DSCAM: variants seen among roughly 807,000 people sequenced by gnomAD.
DSCAM encodes cell adhesion molecule DSCAM.
Under a neutral mutation model 217.7 loss-of-function variants are expected in DSCAM, and 47 were observed. The ratio of observed to expected loss-of-function variants is 0.22; its 90% CI spans 0.17 to 0.28. DSCAM has a LOEUF of 0.28. Among genes scored for constraint, DSCAM ranks in the 10% least tolerant of loss-of-function variants. The probability of loss-of-function intolerance (pLI) is 1.00; values close to 1 mark genes in which losing one functional copy is unlikely to be tolerated. For missense variants in DSCAM, 2,080 were observed against 2,618.3 expected, an observed-to-expected ratio of 0.79 and a Z score of 4.49; for synonymous variants, 1,056 against 1,015.3, an observed-to-expected ratio of 1.04 and a Z score of -0.76.
chr21:40,204,596 G>A lies in DSCAM; in HGVS notation c.2357-15358C>T, dbSNP rs141857702. Among the ~76,000 whole-genome samples the A allele has an allele frequency of 3.4e-4, 52 of 152,246 alleles. 1 individual carries two copies. In the East Asian group the frequency reaches 9.8e-3, roughly 29 times the overall value. On this transcript the variant is annotated intron_variant, in intron 11 of 32. Transcript: ENST00000400454. ...GGGACAACTGACTTAGAGAGGCTAT[G>A]GAGATACAAAATAACACCAATGGTT...
At chr21:40,730,034 C>T (rs1309195678) in intron 1 of DSCAM, among the ~76,000 whole-genome samples, 1 of 152,172 alleles carries the variant, frequency 6.6e-6, no homozygotes, top group Admixed American at 6.5e-5. Flanking sequence ...GGCAACTAGA[C>T]ATACCATTAA....
intron 3 of DSCAM, among the ~76,000 whole-genome samples, chr21:40,659,832 G>A (rs1037049460): frequency 3.3e-5 from 5 of 152,168 alleles, no homozygotes; most frequent in Admixed American, 6.5e-5. Context: ...TAAAGCCAAC[G>A]ATAGAAACCA....
intron 1 of DSCAM, among the ~76,000 whole-genome samples, chr21:40,809,664 T>C (rs1291759404): frequency 2.0e-5 from 3 of 152,232 alleles, no homozygotes; most frequent in African/African-American, 7.2e-5. Flanking sequence ...GGAGACGTCA[T>C]GCTTCTGTCA....
At chr21:40,191,273 C>T (rs1027266093) in intron 11 of DSCAM, among the ~76,000 whole-genome samples, 2 of 152,178 alleles carry the variant, frequency 1.3e-5, no homozygotes, top group Non-Finnish European at 1.5e-5. Context: ...TCTCTAGAGT[C>T]AGCAGCCATG....
At chr21:40,797,841 T>A (rs1371156103) in intron 1 of DSCAM, among the ~76,000 whole-genome samples, 2 of 152,110 alleles carry the variant, frequency 1.3e-5, no homozygotes, top group South Asian at 4.1e-4. Flanking sequence ...GTTGTAAGGA[T>A]CTGGTGTTTT....
chr21:40,730,307 T>C (rs1402818117), intron 1 of DSCAM, among the ~76,000 whole-genome samples: 1 of 152,204 alleles, frequency 6.6e-6, no homozygotes, highest in Non-Finnish European at 1.5e-5. Flanking sequence ...TGGCTGGCTG[T>C]TGCAAATGAA....
At chr21:40,339,008 A>G in intron 7 of DSCAM, 111 bp downstream of exon 7, 1 of 1,347,440 alleles carries the variant, frequency 7.4e-7, no homozygotes, top group Non-Finnish European at 1.0e-6. Context: ...AATGGGAAGC[A>G]ACAGTTAATC....
intron 3 of DSCAM, among the ~76,000 whole-genome samples, chr21:40,483,680 G>A (rs1279954398): frequency 1.3e-5 from 2 of 152,104 alleles, no homozygotes; most frequent in African/African-American, 2.4e-5. Flanking sequence ...TAACAACTAT[G>A]AATACCCATT....
At chr21:40,101,075 C>A (rs1472264050) in intron 20 of DSCAM, among the ~76,000 whole-genome samples, 1 of 152,192 alleles carries the variant, frequency 6.6e-6, no homozygotes, top group Non-Finnish European at 1.5e-5. Flanking sequence ...TGTCCCTGAA[C>A]CAGAATGCCA....
chr21:40,827,480 A>AAAG (rs1248975499), intron 1 of DSCAM, among the ~76,000 whole-genome samples: 1 of 132,506 alleles, frequency 7.5e-6, no homozygotes, highest in Non-Finnish European at 1.6e-5. Context: ...AAAAAAAAAA[A>AAAG]AAAAAAGAAA....
chr21:40,226,070 A>G (rs1008031902), intron 11 of DSCAM, among the ~76,000 whole-genome samples: 2 of 152,306 alleles, frequency 1.3e-5, no homozygotes, highest in Admixed American at 6.5e-5. Context: ...TATCTATCCA[A>G]TGAGATGTGT....
intron 11 of DSCAM, among the ~76,000 whole-genome samples, chr21:40,222,234 T>A (rs1047654504): frequency 6.6e-6 from 1 of 152,248 alleles, no homozygotes; most frequent in African/African-American, 2.4e-5. Flanking sequence ...ATTATAAATG[T>A]GATTTTCAAA....
intron 3 of DSCAM, among the ~76,000 whole-genome samples, chr21:40,453,450 C>A (rs2075738347): frequency 6.6e-6 from 1 of 152,180 alleles, no homozygotes; most frequent in African/African-American, 2.4e-5. Context: ...CCTCAATGCA[C>A]AAAACGCCTG....
intron 3 of DSCAM, among the ~76,000 whole-genome samples, chr21:40,517,518 G>C (rs73902660): frequency 0.076 from 11,521 of 151,558 alleles, 710 homozygotes; most frequent in African/African-American, 0.17. Flanking sequence ...ATTTTTCTCA[G>C]TTTTCACACA....
At chr21:40,139,973 G>T (rs2090269463) in intron 18 of DSCAM, among the ~76,000 whole-genome samples, 1 of 150,688 alleles carries the variant, frequency 6.6e-6, no homozygotes, top group South Asian at 2.1e-4. Flanking sequence ...TGTGTGTGTG[G>T]TATGTGTGGT....
chr21:40,605,738 G>A (rs1159098056), intron 3 of DSCAM, among the ~76,000 whole-genome samples: 2 of 147,796 alleles, frequency 1.4e-5, no homozygotes, highest in East Asian at 4.0e-4. Flanking sequence ...AAAGGTGAAT[G>A]GGTTTTAAAC....
chr21:40,685,308 T>C (rs1005001218), intron 3 of DSCAM, among the ~76,000 whole-genome samples: 1 of 152,226 alleles, frequency 6.6e-6, no homozygotes, highest in Non-Finnish European at 1.5e-5. Flanking sequence ...GGCTGGTATC[T>C]GGGAACTAGG....
At chr21:40,167,371 A>G (rs1001309114) in intron 15 of DSCAM, 83 bp from the exon 16 acceptor site, 3 of 1,181,418 alleles carry the variant, frequency 2.5e-6, no homozygotes, top group Admixed American at 1.8e-5. Flanking sequence ...GTGGTCCCCG[A>G]GGACAACCCA....
rs1156530722 is a variant in DSCAM, at chr21:40,622,360, T to C, written c.508+70450A>G. Reference sequence around the variant, plus strand: ...AGGTTATCACATTCTAAGTTTTCATTGTCTTTGAGCTATTTTACAAACCTA... The same window carrying C: ...AGGTTATCACATTCTAAGTTTTCATCGTCTTTGAGCTATTTTACAAACCTA... On this transcript the variant is annotated intron_variant, in intron 3 of 32. Transcript: ENST00000400454. Among the ~76,000 whole-genome samples the C allele has an allele frequency of 7.2e-5, 11 of 152,252 alleles. 1 individual carries two copies. The highest frequency in any genetic ancestry group is 7.2e-4 in the Admixed American group (11 of 15,304).
Sources: gnomAD v4.1 joint callset for allele counts (sites outside exome capture counted in the v4.1 genomes callset) on GRCh38, gnomAD v4.1.1 for gene constraint, MANE v1.5 for transcripts, NCBI Gene and HGNC (gene_info 2026-07-23, HGNC 2026-07-21) for gene names.